BCAS3: variants seen among roughly 807,000 people sequenced by gnomAD.
BCAS3 encodes BCAS4/BCAS3 fusion.
A neutral mutation model predicts 116.1 loss-of-function variants in BCAS3; 53 were observed. The ratio of observed to expected loss-of-function variants is 0.46; its 90% CI spans 0.37 to 0.57. The LOEUF (loss-of-function observed/expected upper bound fraction) is 0.57, where lower values mean the gene tolerates loss of function less well. Among genes scored for constraint, BCAS3 ranks in the 20% least tolerant of loss-of-function variants. BCAS3 has a pLI of 0.00. For synonymous variants in BCAS3, 391 were observed against 408.2 expected (o/e 0.96, Z 0.51); for missense variants, 917 against 1,165.4 (o/e 0.79, Z 3.10).
Position 61,217,857 on chromosome 17 carries a change from C to T in BCAS3, c.2425+133293C>T, listed in dbSNP as rs923774486. Among the ~76,000 whole-genome samples, 1 of 152,264 alleles carries T rather than the reference C, an allele frequency of 6.6e-6. No homozygotes were observed. Among genetic ancestry groups the T allele is most frequent in the South Asian group, 2.1e-4 (1 of 4,814 alleles). On this transcript the variant is annotated intron_variant, in intron 22 of 23. Transcript: ENST00000407086. The surrounding 1 kb of genome is among the most constrained non-coding windows in gnomAD (Gnocchi z 5.2). ...AGCACAAAATAAACTAGAAAAGCGT[C>T]GGACTTCTCTGTAACAACAGTCTTG... is the stretch of plus-strand genomic sequence containing the variant.
intron 14 of BCAS3, among the ~76,000 whole-genome samples, chr17:60,966,172 G>A (rs538779838): frequency 2.6e-5 from 4 of 152,082 alleles, no homozygotes; most frequent in African/African-American, 4.8e-5. Context: ...TTCCAGATAC[G>A]TGGAGTATCT....
intron 12 of BCAS3, among the ~76,000 whole-genome samples, chr17:60,913,762 T>C (rs943130303): frequency 2.0e-5 from 3 of 152,178 alleles, no homozygotes; most frequent in Non-Finnish European, 4.4e-5. Flanking sequence ...AAAATCGGAT[T>C]CACCATCCTT....
intron 22 of BCAS3, among the ~76,000 whole-genome samples, chr17:61,289,534 G>A (rs1224901921): frequency 1.3e-5 from 2 of 152,120 alleles, no homozygotes; most frequent in Admixed American, 6.5e-5. Flanking sequence ...TTAGTGGTGT[G>A]GAGTAAGAGG....
chr17:60,708,534 A>G (rs2037465886), intron 4 of BCAS3, among the ~76,000 whole-genome samples: 1 of 151,674 alleles, frequency 6.6e-6, no homozygotes, highest in African/African-American at 2.4e-5. Flanking sequence ...AATAATAATA[A>G]TAATTACTAT....
chr17:61,039,800 T>C (rs974723029), intron 18 of BCAS3, among the ~76,000 whole-genome samples: 1 of 152,218 alleles, frequency 6.6e-6, no homozygotes, highest in Non-Finnish European at 1.5e-5. Context: ...CTTGCACTTC[T>C]GTGTTAAATT....
intron 14 of BCAS3, among the ~76,000 whole-genome samples, chr17:60,965,890 C>G (rs77742913): frequency 6.6e-6 from 1 of 152,112 alleles, no homozygotes; most frequent in African/African-American, 2.4e-5. Flanking sequence ...TCTGCTGTTT[C>G]ATTGTTGATT....
chr17:60,709,642 G>A (rs1476990334), intron 5 of BCAS3: 1 of 281,604 alleles, frequency 3.6e-6, no homozygotes, highest in Non-Finnish European at 6.8e-6. Flanking sequence ...ATCTGCCTCA[G>A]CCTCCCAAAG....
rs532759406 is a variant in BCAS3, at chr17:61,354,664, C to T, written c.2426-13663C>T. 1 of 152,318 alleles carries T rather than the reference C, an allele frequency of 6.6e-6. No individual in the cohort carries two copies. The highest frequency in any genetic ancestry group is 2.4e-5 in the African/African-American group (1 of 41,556). The allele number at this position is 152,318 out of a possible 1,614,324, so 9.4% of individuals were successfully genotyped here. The stretch of plus-strand genomic sequence containing the variant: ...GGGAGGCCAGGCCCAGATCTTCTTC[C>T]CAAGGACCCTGCACCTGAAAATCTG... On this transcript the variant is annotated intron_variant, in intron 22 of 23. Coordinates refer to ENST00000407086, the MANE Select transcript of BCAS3 (RefSeq NM_017679.5). This position sits in a 1 kb window ranked among gnomAD's most constrained non-coding sequence, Gnocchi z 4.5.
intron 23 of BCAS3, among the ~76,000 whole-genome samples, chr17:61,373,451 A>AT (rs966139301): frequency 6.6e-5 from 9 of 136,852 alleles, no homozygotes; most frequent in African/African-American, 1.4e-4. Context: ...TACTGTTAAC[A>AT]TTTTTTTTTT....
rs1026615187 is a variant in BCAS3, at chr17:60,873,905, T to C, written c.585-757T>C. 4.3e-4 allele frequency among the ~76,000 whole-genome samples: 65 copies of C among 152,306 alleles called. 1 individual carries two copies. Among genetic ancestry groups the C allele is most frequent in the South Asian group, 1.4e-3 (7 of 4,828 alleles). ...TTCCTTTTGAGACAGGATCTCACTA[T>C]GTTGCCTAGGCTGGTCTCAATCTCC... On this transcript the variant is annotated intron_variant, in intron 8 of 23. Coordinates refer to ENST00000407086, the MANE Select transcript of BCAS3 (RefSeq NM_017679.5).
chr17:60,766,831 G>T (rs537176954), intron 6 of BCAS3, among the ~76,000 whole-genome samples: 22 of 152,334 alleles, frequency 1.4e-4, no homozygotes, highest in Middle Eastern at 3.4e-3. Flanking sequence ...GGCGGGCCCT[G>T]TTGAGCTGCG....
chr17:60,730,442 C>T (rs1264445420), intron 5 of BCAS3, among the ~76,000 whole-genome samples: 1 of 152,142 alleles, frequency 6.6e-6, no homozygotes, highest in African/African-American at 2.4e-5. Flanking sequence ...TGTTACTCCT[C>T]ACAAATATGC....
Position 61,362,423 on chromosome 17 carries a change from T to C in BCAS3, c.2426-5904T>C, listed in dbSNP as rs2058498596. On this transcript the variant is annotated intron_variant, in intron 22 of 23. Coordinates refer to ENST00000407086, the MANE Select transcript of BCAS3 (RefSeq NM_017679.5). This position sits in a 1 kb window ranked among gnomAD's most constrained non-coding sequence, Gnocchi z 4.4. The stretch of plus-strand genomic sequence containing the variant: ...GCAAAATCCAAACCTGGGCAGAACC[T>C]CATTAACGCAAAGCGGAGGCTGTGC... 6.6e-6 allele frequency among the ~76,000 whole-genome samples: 1 copy of C among 152,172 alleles called. No homozygotes were observed. The highest frequency in any genetic ancestry group is 1.5e-5 in the Non-Finnish European group (1 of 68,022).
chr17:60,687,848 A>G (rs946054443), intron 3 of BCAS3, among the ~76,000 whole-genome samples: 1 of 152,156 alleles, frequency 6.6e-6, no homozygotes, highest in Non-Finnish European at 1.5e-5. Flanking sequence ...AATTCTGAGT[A>G]AAAAACACCA....
intron 7 of BCAS3, among the ~76,000 whole-genome samples, chr17:60,824,251 G>A (rs1334955588): frequency 6.6e-6 from 1 of 152,176 alleles, no homozygotes; most frequent in African/African-American, 2.4e-5. Context: ...TTATAATTAT[G>A]TTGAGCTGTT....
intron 22 of BCAS3, among the ~76,000 whole-genome samples, chr17:61,292,614 G>A (rs765504884): frequency 1.1e-4 from 16 of 152,238 alleles, no homozygotes; most frequent in Non-Finnish European, 1.9e-4. Flanking sequence ...ATCACGCCAT[G>A]CACTCCAGCC....
intron 22 of BCAS3, among the ~76,000 whole-genome samples, chr17:61,133,197 T>C (rs2076432188): frequency 6.6e-6 from 1 of 152,160 alleles, no homozygotes; most frequent in African/African-American, 2.4e-5. Context: ...TTTGGAGTAT[T>C]TGATGTTACC....
intron 22 of BCAS3, among the ~76,000 whole-genome samples, chr17:61,322,830 C>CAG (rs1237128472): frequency 0.077 from 5,728 of 74,802 alleles, 381 homozygotes; most frequent in East Asian, 0.15. Context: ...GAGAGAGAGA[C>CAG]AGAGAGAGAG....
rs1203794587 is a variant in BCAS3, at chr17:60,921,628, A to C, written c.994-2779A>C. On this transcript the variant is annotated intron_variant, in intron 12 of 23. Coordinates refer to ENST00000407086, the MANE Select transcript of BCAS3 (RefSeq NM_017679.5). ...ACTCCGTCTCAAAAAAAAAAAAAAA[A>C]AAAAAAAACATTGACCACACATGGA... Among the ~76,000 whole-genome samples, 4 of 150,682 alleles carry C rather than the reference A, an allele frequency of 2.7e-5. No individual in the cohort carries two copies. In the East Asian group the frequency reaches 5.8e-4, roughly 22 times the overall value.
Sources: allele counts gnomAD v4.1 joint callset (sites outside exome capture counted in the v4.1 genomes callset), GRCh38; gene constraint gnomAD v4.1.1; non-coding constraint Gnocchi (gnomAD v3.1); transcripts MANE v1.5; gene names NCBI Gene and HGNC (gene_info 2026-07-23, HGNC 2026-07-21).